NPHP4: variants seen among roughly 807,000 people sequenced by gnomAD.
The protein encoded by NPHP4 is nephrocystin 4, also known as nephrocystin-4.
In NPHP4, 151 loss-of-function variants were observed where a neutral mutation model predicts 155.8. The observed-to-expected ratio is 0.97, with a 90% CI of 0.85 to 1.11. The LOEUF is 1.11. NPHP4 is among the 50% of genes least tolerant of loss of function. The pLI is 0.00. For missense variants in NPHP4, 1,956 were observed against 1,925.7 expected, an observed-to-expected ratio of 1.02 and a Z score of -0.29; for synonymous variants, 845 against 816.8, an observed-to-expected ratio of 1.03 and a Z score of -0.59.
At chr1:5,880,993 C>G (rs1024600115) in intron 18 of NPHP4, 1 of 152,270 alleles carries the variant, frequency 6.6e-6, no homozygotes, top group Non-Finnish European at 1.5e-5. Context: ...TTAATTCCGA[C>G]GAGGCAGTGT....
chr1:5,869,970 C>A (rs1641831260), intron 23 of NPHP4, among the ~76,000 whole-genome samples: 1 of 152,230 alleles, frequency 6.6e-6, no homozygotes, highest in Non-Finnish European at 1.5e-5. Context: ...ACGCACATAT[C>A]TATACATCAT....
At chr1:5,871,584 C>T (rs1023187199) in intron 23 of NPHP4, among the ~76,000 whole-genome samples, 5 of 152,226 alleles carry the variant, frequency 3.3e-5, no homozygotes, top group Non-Finnish European at 7.3e-5. Context: ...TCACCATTTT[C>T]CACCCTGGAT....
At chr1:5,986,603 T>G (rs1557897315) in intron 1 of NPHP4, among the ~76,000 whole-genome samples, 1 of 152,196 alleles carries the variant, frequency 6.6e-6, no homozygotes, top group Non-Finnish European at 1.5e-5. Flanking sequence ...ACACACTGTA[T>G]CTAGGGTGAT....
chr1:5,890,368 C>T lies in NPHP4; in HGVS notation c.2304+500G>A, dbSNP rs1051736989. ...TCCAGGGAAGACGAGTGAAAGAATCCATGGATTTAGGTTTTAGTATACAAG... is the reference window on the plus strand; with the variant it reads ...TCCAGGGAAGACGAGTGAAAGAATCTATGGATTTAGGTTTTAGTATACAAG... On this transcript the variant is annotated intron_variant, in intron 17 of 29. Transcript: ENST00000378156. The surrounding 1 kb of genome is among the most constrained non-coding windows in gnomAD (Gnocchi z 4.9). 1.3e-5 allele frequency among the ~76,000 whole-genome samples: 2 copies of T among 152,050 alleles called. No individual in the cohort carries two copies. Among genetic ancestry groups the T allele is most frequent in the African/African-American group, 2.4e-5 (1 of 41,400 alleles).
intron 9 of NPHP4, 77 bp downstream of exon 9, chr1:5,947,027 A>G: frequency 6.7e-7 from 1 of 1,488,646 alleles, no homozygotes; most frequent in Admixed American, 1.7e-5. Context: ...TGGAAAAAGC[A>G]TTCATGCCCA....
At chr1:5,894,099 A>T (rs911683380) in intron 16 of NPHP4, among the ~76,000 whole-genome samples, 1 of 152,246 alleles carries the variant, frequency 6.6e-6, no homozygotes, top group African/African-American at 2.4e-5. Flanking sequence ...TTCTTGTTTT[A>T]TATTTTATTA....
In NPHP4 at chr1:5,978,328, G is replaced by A. The variant is rs201780862; in HGVS notation, c.221C>T (p.Thr74Met). The change falls in exon 3 of 30, where the codon ACG becomes ATG. Residue 74 changes from threonine (T) to methionine (M), a missense_variant. Thr to Met is a moderately conservative substitution (Grantham distance 81). Coordinates refer to ENST00000378156, the MANE Select transcript of NPHP4 (RefSeq NM_015102.5). ...CGTCGGCTTCACTGTGGTTTTCCAC[G>A]TCCTCCCAAAGAAGTGCCGGTAGGT... ...DVTYRHFFGR[T>M]WKTTVKPTKR... 19 of 1,609,378 alleles carry A rather than the reference G, an allele frequency of 1.2e-5. No homozygotes were observed. The highest frequency in any genetic ancestry group is 9.4e-5 in the African/African-American group (7 of 74,754).
At chr1:5,980,366 G>C (rs978965184) in intron 2 of NPHP4, among the ~76,000 whole-genome samples, 8 of 152,192 alleles carry the variant, frequency 5.3e-5, no homozygotes, top group African/African-American at 1.4e-4. Flanking sequence ...AAAGCCCACC[G>C]GACTGCAGCA....
chr1:5,941,684 C>T (rs969049369), intron 9 of NPHP4, among the ~76,000 whole-genome samples: 3 of 152,158 alleles, frequency 2.0e-5, no homozygotes, highest in Admixed American at 1.3e-4. Context: ...CAAAACAGGA[C>T]GAAGGATGCC....
chr1:5,970,587 G>A (rs904869148), intron 3 of NPHP4, among the ~76,000 whole-genome samples: 27 of 152,024 alleles, frequency 1.8e-4, no homozygotes, highest in African/African-American at 6.3e-4. Context: ...CAGGGAATGC[G>A]CATCCCCAGG....
rs1383607409 is a variant in NPHP4 at position 5,874,864 on chromosome 1, G to A, written c.3044+10C>T. The A allele has an allele frequency of 2.5e-6, 4 of 1,611,452 alleles. No homozygotes were observed. Among genetic ancestry groups the A allele is most frequent in the Middle Eastern group, 1.6e-4 (1 of 6,062 alleles). On this transcript the variant is annotated intron_variant, in intron 21 of 29. Transcript: ENST00000378156. ...GGGCTGGGGCAGGACGGGCACCACT[G>A]AGACCTCACCTGAGCTCGGGGTTGT...
intron 16 of NPHP4, among the ~76,000 whole-genome samples, chr1:5,900,351 A>G (rs1444035473): frequency 6.6e-6 from 1 of 152,246 alleles, no homozygotes; most frequent in East Asian, 1.9e-4. Context: ...GCTGTGGCAC[A>G]TACGTGCAAT....
intron 9 of NPHP4, among the ~76,000 whole-genome samples, chr1:5,943,489 T>C (rs753533466): frequency 6.6e-6 from 1 of 152,162 alleles, no homozygotes; most frequent in Non-Finnish European, 1.5e-5. Context: ...ATCTGATGCA[T>C]GAGGCCAAGT....
rs1227025595 is a variant in NPHP4, at chr1:5,867,171, G to A, written c.3473-56C>T. 3.0e-6 allele frequency: 4 copies of A among 1,351,924 alleles called. No individual in the cohort carries two copies. The East Asian group carries it at 9.8e-5, about 33-fold the overall frequency. The allele number at this position is 1,351,924 out of a possible 1,614,324, so 83.7% of individuals were successfully genotyped here. A position where few individuals can be genotyped will look rare whatever the true frequency, so the allele number is the denominator to read the frequency against. ...TCTCCACAGCCCCAGCCTGTGTGGA[G>A]AAGGCCCCACACATTACACACTATA... On this transcript the variant is annotated intron_variant, in intron 24 of 29. Transcript: ENST00000378156. This position sits in a 1 kb window ranked among gnomAD's most constrained non-coding sequence, Gnocchi z 4.1.
rs1431491076 is a variant in NPHP4 at position 5,873,331 on chromosome 1, G to A, written c.3236C>T (p.Ser1079Phe). The A allele has an allele frequency of 8.1e-6, 13 of 1,613,680 alleles. No homozygotes were observed. The highest frequency in any genetic ancestry group is 2.2e-5 in the East Asian group (1 of 44,892). The change falls in exon 23 of 30, where the codon TCT becomes TTT. Residue 1079 changes from serine (S) to phenylalanine (F), a missense_variant. Coordinates refer to ENST00000378156, the MANE Select transcript of NPHP4 (RefSeq NM_015102.5). ...GCCCTTCTCGTTGCTCAACCCAGGA[G>A]AGGCCTGCAGGAACCGAACAGCACA... ...SAGQLAMVQA[S>F]PGLSNEKGMD... is the part of the protein sequence containing the mutation.
In NPHP4 at chr1:5,986,306, TC is replaced by T. The variant is rs780674640; in HGVS notation, c.-18del. The T allele has an allele frequency of 2.4e-5, 39 of 1,612,974 alleles. No homozygotes were observed. The highest frequency in any genetic ancestry group is 3.1e-5 in the Non-Finnish European group (37 of 1,179,476). On this transcript the variant is annotated 5_prime_UTR_variant, in exon 2 of 30. Transcript: ENST00000378156. ...GTCGTTCATCCTGCCCGCCTGAGGG[TC>T]CCGTGGGCTTCCCGGATGATCTGTG...
At chr1:5,887,498 G>T in intron 17 of NPHP4, 32 bp from the exon 18 acceptor site, 1 of 1,607,950 alleles carries the variant, frequency 6.2e-7, no homozygotes. Context: ...TCAGAGGCTG[G>T]AGCCGGCCCT....
chr1:5,937,176 G>T (rs1646584997), intron 9 of NPHP4, among the ~76,000 whole-genome samples: 1 of 152,060 alleles, frequency 6.6e-6, no homozygotes. Context: ...TTTGCCTGAG[G>T]AGGATCTCGG....
chr1:5,878,779 G>A (rs1297153524), intron 19 of NPHP4, among the ~76,000 whole-genome samples: 1 of 152,114 alleles, frequency 6.6e-6, no homozygotes, highest in African/African-American at 2.4e-5. Flanking sequence ...CTGGAGGCAG[G>A]GTTTTATCAA....
Sources: gnomAD v4.1 joint callset for allele counts (sites outside exome capture counted in the v4.1 genomes callset) on GRCh38, gnomAD v4.1.1 for gene constraint, Gnocchi (gnomAD v3.1) non-coding constraint, MANE v1.5 for transcripts, NCBI Gene and HGNC (gene_info 2026-07-23, HGNC 2026-07-21) for gene names.